Variants in RPS6KA3 observed in about 807,000 individuals in gnomAD.
RPS6KA3 encodes ribosomal protein S6 kinase alpha-3.
RPS6KA3 carries 4 observed loss-of-function variants against 67.2 expected under a neutral mutation model. The ratio of observed to expected loss-of-function variants is 0.06; its 90% CI spans 0.03 to 0.14. The LOEUF (loss-of-function observed/expected upper bound fraction) is 0.14, where lower values mean the gene tolerates loss of function less well. RPS6KA3 is among the 10% of genes least tolerant of loss of function. The pLI, the probability that RPS6KA3 is intolerant of heterozygous loss-of-function variation, is 1.00. For synonymous variants in RPS6KA3, 182 were observed against 183.7 expected (o/e 0.99, Z 0.07); for missense variants, 204 against 559.0 (o/e 0.36, Z 6.40).
At chrX:20,197,207 A>T (rs891328388) in intron 4 of RPS6KA3, among the ~76,000 whole-genome samples, 7 of 112,612 alleles carry the variant, frequency 6.2e-5, no homozygotes, top group Non-Finnish European at 1.3e-4. Flanking sequence ...TTTCTATTCT[A>T]GTCTAGCCTA....
At chrX:20,249,461 G>A (rs1352750693) in intron 1 of RPS6KA3, among the ~76,000 whole-genome samples, 1 of 111,524 alleles carries the variant, frequency 9.0e-6, no homozygotes, top group Non-Finnish European at 1.9e-5. Context: ...TTGCATCCTC[G>A]CCATTTATTA....
intron 4 of RPS6KA3, among the ~76,000 whole-genome samples, chrX:20,199,250 A>G (rs927820536): frequency 2.7e-5 from 3 of 112,228 alleles, no homozygotes; most frequent in African/African-American, 9.7e-5. Context: ...TCAAAATATC[A>G]AGAGAAGAAG....
chrX:20,230,728 T>C (rs936080529), intron 2 of RPS6KA3, among the ~76,000 whole-genome samples: 1 of 111,561 alleles, frequency 9.0e-6, no homozygotes, highest in Non-Finnish European at 1.9e-5. Flanking sequence ...CTGATCTTAT[T>C]CTTCCACAAC....
Position 20,209,350 on chromosome X carries a change from C to T in RPS6KA3, c.181G>A (p.Glu61Lys). The change falls in exon 3 of 22, where the codon GAA (glutamate) becomes AAA (lysine). Residue 61 changes from glutamate to lysine, a missense_variant. By Grantham distance (56) the Glu-to-Lys change is moderately conservative. Around this residue, in one of 4 missense-constraint regions of RPS6KA3, gnomAD observed 76 missense variants for 250.3 expected, o/e 0.30. Coordinates refer to ENST00000379565, the MANE Select transcript of RPS6KA3 (RefSeq NM_004586.3). ...TCAAACTGGGAAGGATCTGCCTTTT[C>T]ATGTCCTTCCTTTACATGATGTGTG... ...AITHHVKEGHEKADPSQFELL... is the reference protein window; with the variant it reads ...AITHHVKEGHKKADPSQFELL... The T allele has an allele frequency of 8.3e-7, 1 of 1,201,426 alleles. No homozygotes were observed. The highest frequency in any genetic ancestry group is 1.1e-6 in the Non-Finnish European group (1 of 886,243).
chrX:20,167,515 TTCTA>T (rs2067471198), intron 17 of RPS6KA3, 70 bp downstream of exon 17: 3 of 974,315 alleles, frequency 3.1e-6, no homozygotes, highest in South Asian at 3.9e-5. Context: ...ATAAAGTAAT[TTCTA>T]TCTAATTCTA....
chrX:20,233,894 C>T lies in RPS6KA3; in HGVS notation c.126+864G>A, dbSNP rs186833124. Among the ~76,000 whole-genome samples, 7 of 112,492 alleles carry T rather than the reference C, an allele frequency of 6.2e-5. No homozygotes were observed. The South Asian group carries it at 1.1e-3, about 17-fold the overall frequency. Reference sequence around the variant, plus strand: ...GTAAACGTAAATAATAATTATCTTACGTACAAAATATCAAGATGACTATAA... The same window carrying T: ...GTAAACGTAAATAATAATTATCTTATGTACAAAATATCAAGATGACTATAA... On this transcript the variant is annotated intron_variant, in intron 2 of 21. Transcript: ENST00000379565.
chrX:20,155,147 A>G lies in RPS6KA3; in HGVS notation c.*251T>C, dbSNP rs183365804. On this transcript the variant is annotated 3_prime_UTR_variant, in exon 22 of 22. Transcript: ENST00000379565. Reference sequence around the variant, plus strand: ...TATTCATATGTTCATTATTTTTCTCATTGATTCAGTGACTATATCTTCATC... The same window carrying G: ...TATTCATATGTTCATTATTTTTCTCGTTGATTCAGTGACTATATCTTCATC... 18 of 392,045 alleles carry G rather than the reference A, an allele frequency of 4.6e-5. No individual in the cohort carries two copies. Among genetic ancestry groups the G allele is most frequent in the African/African-American group, 4.6e-4 (18 of 39,551 alleles). 32.3% of individuals were successfully genotyped at this position (392,045 alleles called of 1,213,427 possible).
chrX:20,200,218 G>T (rs143524510), intron 4 of RPS6KA3, among the ~76,000 whole-genome samples: 9 of 112,257 alleles, frequency 8.0e-5, no homozygotes, highest in African/African-American at 2.9e-4. Flanking sequence ...GTGAGTGGGT[G>T]GCAGCATGAG....
Position 20,153,927 on chromosome X carries a change from G to C in RPS6KA3, c.*1471C>G, listed in dbSNP as rs1037351855. The C allele has an allele frequency of 8.9e-6, 1 of 112,058 alleles. No individual in the cohort carries two copies. Among genetic ancestry groups the C allele is most frequent in the African/African-American group, 3.2e-5 (1 of 30,791 alleles). 9.2% of individuals were successfully genotyped at this position (112,058 alleles called of 1,213,427 possible). A position where few individuals can be genotyped will look rare whatever the true frequency, so the allele number is the denominator to read the frequency against. On this transcript the variant is annotated 3_prime_UTR_variant, in exon 22 of 22. Coordinates refer to ENST00000379565, the MANE Select transcript of RPS6KA3 (RefSeq NM_004586.3). ...TGAGCCACTGCGCCCGGCCTGTAGG[G>C]GCACATTCTTGATGAGGTAAGTTAA...
intron 21 of RPS6KA3, 122 bp downstream of exon 21, chrX:20,155,987 G>A: frequency 1.3e-6 from 1 of 790,077 alleles, no homozygotes; most frequent in African/African-American, 2.0e-5. Flanking sequence ...CCCACTGTAA[G>A]AGAATCCCAC....
chrX:20,175,690 A>T (rs1225020093), intron 13 of RPS6KA3, among the ~76,000 whole-genome samples: 1 of 111,371 alleles, frequency 9.0e-6, no homozygotes. Context: ...GTGACTGAGA[A>T]ACTACACTTT....
intron 2 of RPS6KA3, among the ~76,000 whole-genome samples, chrX:20,221,644 A>G (rs1250168085): frequency 3.6e-5 from 4 of 111,986 alleles, no homozygotes; most frequent in Non-Finnish European, 7.5e-5. Context: ...CCAATAAAAC[A>G]TCTTTTACAG....
At chrX:20,256,298 G>A (rs1175863663) in intron 1 of RPS6KA3, among the ~76,000 whole-genome samples, 3 of 104,443 alleles carry the variant, frequency 2.9e-5, no homozygotes, top group South Asian at 4.2e-4. Flanking sequence ...TTTCTTATAC[G>A]ATAGCAAGAT....
chrX:20,231,543 T>C (rs2069264778), intron 2 of RPS6KA3, among the ~76,000 whole-genome samples: 1 of 111,564 alleles, frequency 9.0e-6, no homozygotes, highest in African/African-American at 3.3e-5. Context: ...TAAAAAAACA[T>C]ATAATAAAAT....
chrX:20,210,112 G>A (rs1273293668), intron 2 of RPS6KA3, among the ~76,000 whole-genome samples: 1 of 112,219 alleles, frequency 8.9e-6, no homozygotes, highest in Non-Finnish European at 1.9e-5. Context: ...TCTGGGTTAA[G>A]AGAAGGATTT....
intron 2 of RPS6KA3, among the ~76,000 whole-genome samples, chrX:20,227,923 G>C (rs1053749698): frequency 1.8e-5 from 2 of 110,602 alleles, no homozygotes; most frequent in African/African-American, 6.6e-5. Context: ...CTATTAGTTA[G>C]ATGTTAGATT....
chrX:20,185,583 T>C (rs1458310115), intron 10 of RPS6KA3, among the ~76,000 whole-genome samples: 1 of 111,413 alleles, frequency 9.0e-6, no homozygotes, highest in African/African-American at 3.3e-5. Flanking sequence ...AGATGGGGTT[T>C]TGCTATGTTG....
intron 7 of RPS6KA3, among the ~76,000 whole-genome samples, chrX:20,192,420 G>T (rs1197327359): frequency 9.4e-6 from 1 of 105,833 alleles, no homozygotes; most frequent in Non-Finnish European, 1.9e-5. Context: ...AAAAAAAAAA[G>T]AAACTATAAA....
intron 1 of RPS6KA3, among the ~76,000 whole-genome samples, chrX:20,263,396 G>C (rs901880958): frequency 8.9e-6 from 1 of 112,287 alleles, no homozygotes; most frequent in African/African-American, 3.2e-5. Context: ...TCACTAAAGA[G>C]TTCACCTAGA....
Sources: gnomAD v4.1 joint callset for allele counts (sites outside exome capture counted in the v4.1 genomes callset) on GRCh38, gnomAD v4.1.1 for gene constraint, gnomAD v4.1.1 regional missense constraint, MANE v1.5 for transcripts, NCBI Gene and HGNC (gene_info 2026-07-23, HGNC 2026-07-21) for gene names.